The following ROBO1 variants were observed in gnomAD, a reference collection of about 807,000 sequenced individuals.
ROBO1 encodes the protein roundabout guidance receptor 1.
A neutral mutation model predicts 195.9 loss-of-function variants in ROBO1; 149 were observed. The observed-to-expected ratio is 0.76, with a 90% CI of 0.67 to 0.87. The LOEUF (loss-of-function observed/expected upper bound fraction) is 0.87, where lower values mean the gene tolerates loss of function less well. Among genes scored for constraint, ROBO1 ranks in the 40% least tolerant of loss-of-function variants. The probability of loss-of-function intolerance (pLI) is 0.00; values close to 1 mark genes in which losing one functional copy is unlikely to be tolerated. For missense variants in ROBO1, 1,933 were observed against 2,068.3 expected, an observed-to-expected ratio of 0.93 and a Z score of 1.27; for synonymous variants, 816 against 733.2, an observed-to-expected ratio of 1.11 and a Z score of -1.82.
chr3:78,961,030 T>C (rs17016646), intron 3 of ROBO1, among the ~76,000 whole-genome samples: 25,520 of 152,076 alleles, frequency 0.17, 3,488 homozygotes, highest in African/African-American at 0.39. Context: ...TTCAGAGTTC[T>C]CATTTTCCTT....
intron 8 of ROBO1, among the ~76,000 whole-genome samples, chr3:78,713,081 A>T (rs919373451): frequency 6.6e-6 from 1 of 152,100 alleles, no homozygotes; most frequent in South Asian, 2.1e-4. Context: ...AAATGTGAAG[A>T]GGTTTTCTTT....
intron 4 of ROBO1, among the ~76,000 whole-genome samples, chr3:78,853,288 A>T (rs936225126): frequency 6.6e-6 from 1 of 151,908 alleles, no homozygotes; most frequent in African/African-American, 2.4e-5. Context: ...CATAAAGGAG[A>T]CAGAAAACTG....
intron 2 of ROBO1, among the ~76,000 whole-genome samples, chr3:79,271,568 T>C (rs1039201025): frequency 5.9e-5 from 9 of 152,084 alleles, no homozygotes; most frequent in Admixed American, 5.9e-4. Flanking sequence ...TTCTTCCTGC[T>C]CTTTTTTTGG....
At chr3:78,682,781 AT>A (rs2080957101) in intron 10 of ROBO1, among the ~76,000 whole-genome samples, 1 of 148,962 alleles carries the variant, frequency 6.7e-6, no homozygotes, top group South Asian at 2.1e-4. Flanking sequence ...TAATAATATA[AT>A]TTTATTGTTG....
chr3:78,633,896 G>A (rs1333162598), intron 24 of ROBO1, 39 bp downstream of exon 24: 3 of 1,377,772 alleles, frequency 2.2e-6, no homozygotes, highest in South Asian at 2.4e-5. Context: ...GAAAGTACCA[G>A]CTTTTTAAAG....
intron 2 of ROBO1, among the ~76,000 whole-genome samples, chr3:79,343,225 T>C (rs1412109683): frequency 6.6e-6 from 1 of 152,194 alleles, no homozygotes; most frequent in Admixed American, 6.6e-5. Context: ...TATTTATCCA[T>C]TGAAAAATAA....
At position 79,214,112 on chromosome 3, in the gene ROBO1, T is replaced by C. The variant is rs567640575; in HGVS notation, c.89-88573A>G. Among the ~76,000 whole-genome samples, 6 of 152,106 alleles carry C rather than the reference T, an allele frequency of 3.9e-5. No homozygotes were observed. In the South Asian group the frequency reaches 1.2e-3, roughly 32 times the overall value. The stretch of plus-strand genomic sequence containing the variant: ...AAGTGCTGGGATTACTCTCCACTTC[T>C]TATATTGTCACAGGACTCAATGTGA... On this transcript the variant is annotated intron_variant, in intron 2 of 30. Transcript: ENST00000464233.
At chr3:79,502,755 C>A (rs61662644) in intron 2 of ROBO1, among the ~76,000 whole-genome samples, 1 of 23,828 alleles carries the variant, frequency 4.2e-5, no homozygotes, top group Non-Finnish European at 7.6e-5. Flanking sequence ...CAGCACCCTG[C>A]ATCTAGCTCA....
intron 2 of ROBO1, among the ~76,000 whole-genome samples, chr3:79,250,622 T>C (rs2082710464): frequency 1.3e-5 from 2 of 152,244 alleles, no homozygotes; most frequent in South Asian, 2.1e-4. Flanking sequence ...TATACTGCCA[T>C]AGCTTTTACA....
Position 79,737,320 on chromosome 3 carries a change from A to G in ROBO1, c.-51+30432T>C, listed in dbSNP as rs145175630. Among the ~76,000 whole-genome samples, 359 of 152,322 alleles carry G rather than the reference A, an allele frequency of 2.4e-3. 2 individuals are homozygous for G. Among genetic ancestry groups the G allele is most frequent in the Non-Finnish European group, 4.1e-3 (281 of 68,022 alleles). On this transcript the variant is annotated intron_variant, in intron 1 of 30. Coordinates refer to ENST00000464233, the MANE Select transcript of ROBO1 (RefSeq NM_002941.4). ...GAGAAAGCAAATAATCAGAAGTGAA[A>G]GAGATTATGCCACCATCCATATTTC...
chr3:79,366,935 C>T (rs2036000259), intron 2 of ROBO1, among the ~76,000 whole-genome samples: 2 of 152,122 alleles, frequency 1.3e-5, no homozygotes, highest in Non-Finnish European at 2.9e-5. Context: ...GCTTTCAGAG[C>T]TATTGCACTT....
rs1485572576 is a variant in ROBO1, at chr3:78,855,873, T to C, written c.499+82728A>G. On this transcript the variant is annotated intron_variant, in intron 4 of 30. Transcript: ENST00000464233. ...AGTCAACATAAAATTATGAAAACTT[T>C]GGAGAATATTTTTTTTTCCTTTTTA... Among the ~76,000 whole-genome samples, 4 of 142,402 alleles carry C rather than the reference T, an allele frequency of 2.8e-5. No individual in the cohort carries two copies. The East Asian group carries it at 8.1e-4, about 29-fold the overall frequency. The allele number at this position is 142,402 out of a possible 152,430, so 93.4% of individuals were successfully genotyped here. A position where few individuals can be genotyped will look rare whatever the true frequency, so the allele number is the denominator to read the frequency against.
intron 2 of ROBO1, among the ~76,000 whole-genome samples, chr3:79,457,701 C>A (rs567579038): frequency 6.6e-6 from 1 of 152,228 alleles, no homozygotes; most frequent in Non-Finnish European, 1.5e-5. Flanking sequence ...AACAGCAGTT[C>A]CCCTGCACAT....
At chr3:79,765,913 C>T (rs1003088480) in intron 1 of ROBO1, among the ~76,000 whole-genome samples, 4 of 152,124 alleles carry the variant, frequency 2.6e-5, no homozygotes, top group African/African-American at 7.2e-5. Context: ...TGGAAACAGA[C>T]AACCATCTCT....
intron 2 of ROBO1, among the ~76,000 whole-genome samples, chr3:79,572,998 C>T (rs964397696): frequency 6.6e-6 from 1 of 152,084 alleles, no homozygotes; most frequent in Non-Finnish European, 1.5e-5. Context: ...TCGAGTCAGA[C>T]AATGCAAAGT....
intron 2 of ROBO1, among the ~76,000 whole-genome samples, chr3:79,238,083 A>G (rs1382293925): frequency 1.3e-5 from 2 of 152,230 alleles, no homozygotes; most frequent in African/African-American, 4.8e-5. Context: ...TTCAGGAAAT[A>G]AAATTTGATC....
intron 8 of ROBO1, among the ~76,000 whole-genome samples, chr3:78,710,013 C>T (rs2081643961): frequency 6.6e-6 from 1 of 152,132 alleles, no homozygotes; most frequent in African/African-American, 2.4e-5. Context: ...CTAGGACTAG[C>T]TTCACTGGCG....
At chr3:78,688,869 T>G in intron 8 of ROBO1, 97 bp from the exon 9 acceptor site, 1 of 1,197,562 alleles carries the variant, frequency 8.4e-7, no homozygotes, top group Non-Finnish European at 1.1e-6. Context: ...TGTTATTTTA[T>G]ACAACATGTT....
chr3:79,732,126 A>G (rs1487361340), intron 1 of ROBO1, among the ~76,000 whole-genome samples: 1 of 151,956 alleles, frequency 6.6e-6, no homozygotes, highest in African/African-American at 2.4e-5. Context: ...ATTAAATATT[A>G]TAAATAATTA....
Sources: gnomAD v4.1 joint callset for allele counts (sites outside exome capture counted in the v4.1 genomes callset) on GRCh38, gnomAD v4.1.1 for gene constraint, MANE v1.5 for transcripts, NCBI Gene and HGNC (gene_info 2026-07-23, HGNC 2026-07-21) for gene names.